The following ENTREP2 variants were observed in gnomAD, a reference collection of about 807,000 sequenced individuals.
ENTREP2 encodes protein ENTREP2.
At chr15:29,287,205 C>T in the ENTREP2 span, among the ~76,000 whole-genome samples, 8 of 152,062 alleles carry the variant, frequency 5.3e-5, no homozygotes, top group African/African-American at 7.2e-5. Flanking sequence ...AGGCACTATC[C>T]GCGGCCATTT....
At chr15:29,537,252 A>G in the ENTREP2 span, among the ~76,000 whole-genome samples, 1 of 152,172 alleles carries the variant, frequency 6.6e-6, no homozygotes, top group Non-Finnish European at 1.5e-5. Context: ...GCCAATGCCC[A>G]CTAGAGTCCA....
chr15:29,542,491 A>C, the ENTREP2 span, among the ~76,000 whole-genome samples: 3 of 149,876 alleles, frequency 2.0e-5, no homozygotes, highest in Admixed American at 1.3e-4. Context: ...TTTTTAGTAG[A>C]GACGGGGTTT....
At chr15:29,625,277 G>A in the ENTREP2 span, among the ~76,000 whole-genome samples, 1 of 152,138 alleles carries the variant, frequency 6.6e-6, no homozygotes, top group African/African-American at 2.4e-5. Context: ...CCCTTTGAAG[G>A]ACATTTGGGT....
the ENTREP2 span, among the ~76,000 whole-genome samples, chr15:29,600,214 A>C: frequency 6.6e-6 from 1 of 152,158 alleles, no homozygotes; most frequent in African/African-American, 2.4e-5. Flanking sequence ...ACACACTTTG[A>C]TATAAAACAA....
the ENTREP2 span, among the ~76,000 whole-genome samples, chr15:29,438,787 C>T: frequency 6.6e-6 from 1 of 152,146 alleles, no homozygotes; most frequent in Non-Finnish European, 1.5e-5. Flanking sequence ...CTTTTGTTAA[C>T]ACCCGTAAGG....
chr15:29,609,499 G>T, the ENTREP2 span, among the ~76,000 whole-genome samples: 2 of 149,578 alleles, frequency 1.3e-5, no homozygotes, highest in African/African-American at 4.9e-5. Flanking sequence ...ATTCACCCCC[G>T]TTCATCTCTC....
At chr15:29,596,010 C>T in the ENTREP2 span, among the ~76,000 whole-genome samples, 1 of 152,128 alleles carries the variant, frequency 6.6e-6, no homozygotes, top group African/African-American at 2.4e-5. Flanking sequence ...TCAAAAAAGC[C>T]CTGGTTCCTT....
At chr15:29,549,380 C>T in the ENTREP2 span, among the ~76,000 whole-genome samples, 2 of 152,030 alleles carry the variant, frequency 1.3e-5, no homozygotes, top group Admixed American at 1.3e-4. Context: ...CACCATTCTC[C>T]TGCCTTAGCC....
At chr15:29,620,517 A>T in the ENTREP2 span, among the ~76,000 whole-genome samples, 1 of 152,080 alleles carries the variant, frequency 6.6e-6, no homozygotes, top group South Asian at 2.1e-4. Context: ...TCACACCTAT[A>T]GTCCCAGCTA....
chr15:29,234,963 A>C, the ENTREP2 span: 1 of 1,509,350 alleles, frequency 6.6e-7, no homozygotes, highest in Admixed American at 1.7e-5. Context: ...GTGTCATTCC[A>C]ACAGATTGTA....
the ENTREP2 span, among the ~76,000 whole-genome samples, chr15:29,360,405 G>A: frequency 2.0e-5 from 3 of 152,126 alleles, no homozygotes; most frequent in African/African-American, 7.2e-5. Context: ...CATTTTAGAG[G>A]AGGCAGGAAT....
the ENTREP2 span, among the ~76,000 whole-genome samples, chr15:29,345,287 C>T: frequency 6.6e-6 from 1 of 152,158 alleles, no homozygotes; most frequent in Non-Finnish European, 1.5e-5. Flanking sequence ...AATGAAGTTC[C>T]TCGTGACCCT....
At chr15:29,187,554 A>T in the ENTREP2 span, among the ~76,000 whole-genome samples, 2 of 152,078 alleles carry the variant, frequency 1.3e-5, no homozygotes, top group African/African-American at 2.4e-5. Context: ...GGGATTACAG[A>T]TGGAAACCAC....
the ENTREP2 span, among the ~76,000 whole-genome samples, chr15:29,231,058 G>A: frequency 6.6e-6 from 1 of 152,048 alleles, no homozygotes; most frequent in South Asian, 2.1e-4. Flanking sequence ...GTTATCTTTA[G>A]GTAATGTGAG....
At chr15:29,128,911 G>T in the ENTREP2 span, 1 of 1,331,888 alleles carries the variant, frequency 7.5e-7, no homozygotes, top group Non-Finnish European at 1.0e-6. Flanking sequence ...CCGTGGGAAC[G>T]CAGCACAGCA....
the ENTREP2 span, among the ~76,000 whole-genome samples, chr15:29,174,489 C>T: frequency 6.6e-6 from 1 of 152,034 alleles, no homozygotes; most frequent in Non-Finnish European, 1.5e-5. Context: ...GAGATTGAGA[C>T]CATCCTGGCT....
At chr15:29,594,901 C>A in the ENTREP2 span, among the ~76,000 whole-genome samples, 1 of 151,664 alleles carries the variant, frequency 6.6e-6, no homozygotes, top group East Asian at 1.9e-4. Flanking sequence ...CCCGTCTCTA[C>A]TAAAAATACA....
chr15:29,547,430 G>A, the ENTREP2 span, among the ~76,000 whole-genome samples: 196 of 152,142 alleles, frequency 1.3e-3, no homozygotes, highest in Admixed American at 2.8e-3. Flanking sequence ...GACTTGAATA[G>A]ACATTTCTCA....
At chr15:29,150,270 C>T in the ENTREP2 span, among the ~76,000 whole-genome samples, 1 of 152,188 alleles carries the variant, frequency 6.6e-6, no homozygotes, top group Non-Finnish European at 1.5e-5. Flanking sequence ...TCCACGCCTG[C>T]TCATGCCCCA....
Sources: allele counts gnomAD v4.1 joint callset (sites outside exome capture counted in the v4.1 genomes callset), GRCh38; gene constraint gnomAD v4.1.1; transcripts MANE v1.5; gene names NCBI Gene and HGNC (gene_info 2026-07-23, HGNC 2026-07-21).